Variants in ANK3 observed in about 807,000 individuals in gnomAD.
ANK3 encodes the protein ankyrin 3, also known as ankyrin-3.
In ANK3, 57 loss-of-function variants were observed where a neutral mutation model predicts 370.9. The ratio of observed to expected loss-of-function variants is 0.15; its 90% CI spans 0.12 to 0.19. The LOEUF (loss-of-function observed/expected upper bound fraction) is 0.19, where lower values mean the gene tolerates loss of function less well. ANK3 is among the 10% of genes least tolerant of loss of function. The probability of loss-of-function intolerance (pLI) is 1.00; values close to 1 mark genes in which losing one functional copy is unlikely to be tolerated. For synonymous variants in ANK3, 1,929 were observed against 1,946.3 expected, an observed-to-expected ratio of 0.99 and a Z score of 0.23; for missense variants, 4,439 against 5,302.1, an observed-to-expected ratio of 0.84 and a Z score of 5.06.
chr10:60,681,731 G>A (rs1032270477), intron 1 of ANK3, among the ~76,000 whole-genome samples: 3 of 152,152 alleles, frequency 2.0e-5, no homozygotes, highest in Non-Finnish European at 2.9e-5. Context: ...TCCAGTGCAG[G>A]GCAGACTGGC....
At chr10:60,229,769 G>C (rs1469471244) in intron 8 of ANK3, among the ~76,000 whole-genome samples, 1 of 152,158 alleles carries the variant, frequency 6.6e-6, no homozygotes, top group Non-Finnish European at 1.5e-5. Context: ...GTAATATTAA[G>C]AAGTATATCT....
At chr10:60,198,571 G>A (rs2096622277) in intron 13 of ANK3, 34 bp from the exon 14 acceptor site, 1 of 1,593,008 alleles carries the variant, frequency 6.3e-7, no homozygotes, top group East Asian at 2.2e-5. Context: ...AGGCTGATGA[G>A]CTGAGGAAAC....
chr10:60,384,239 T>C lies in ANK3; in HGVS notation c.114+5186A>G, dbSNP rs554598894. Reference sequence around the variant, plus strand: ...ACTGTTATGTTGTCATTACACAATGTGTCTGAGGATTTGAAATCCTTGTGT... The same window carrying C: ...ACTGTTATGTTGTCATTACACAATGCGTCTGAGGATTTGAAATCCTTGTGT... On this transcript the variant is annotated intron_variant, in intron 1 of 43. Coordinates refer to ENST00000280772, the MANE Select transcript of ANK3 (RefSeq NM_020987.5). Among the ~76,000 whole-genome samples, 71 of 152,320 alleles carry C rather than the reference T, an allele frequency of 4.7e-4. No individual in the cohort carries two copies. The South Asian group carries it at 0.014, about 29-fold the overall frequency.
intron 2 of ANK3, among the ~76,000 whole-genome samples, chr10:60,586,047 A>G (rs1347993659): frequency 7.3e-6 from 1 of 137,502 alleles, no homozygotes; most frequent in Admixed American, 8.0e-5. Context: ...AAAACAAACA[A>G]ACAAAAAAAA....
At chr10:60,149,741 C>T (rs2095010383) in intron 23 of ANK3, among the ~76,000 whole-genome samples, 2 of 152,234 alleles carry the variant, frequency 1.3e-5, no homozygotes, top group Admixed American at 1.3e-4. Context: ...CGAAGTCTCG[C>T]TCTGTCGCCC....
At chr10:60,172,451 A>T (rs1280720947) in intron 20 of ANK3, 48 bp from the exon 21 acceptor site, 1 of 1,509,196 alleles carries the variant, frequency 6.6e-7, no homozygotes, top group Non-Finnish European at 9.2e-7. Flanking sequence ...CTTATTCCAC[A>T]TTTTTTTTGC....
chr10:60,685,900 C>T (rs1437747487), intron 1 of ANK3, among the ~76,000 whole-genome samples: 2 of 152,096 alleles, frequency 1.3e-5, no homozygotes, highest in East Asian at 3.9e-4. Flanking sequence ...AATATATAAA[C>T]ATATAAATAG....
intron 1 of ANK3, among the ~76,000 whole-genome samples, chr10:60,301,750 T>A (rs1315765116): frequency 6.6e-6 from 1 of 152,178 alleles, no homozygotes; most frequent in Non-Finnish European, 1.5e-5. Context: ...TTTTTTCAAC[T>A]AATACAATTC....
intron 2 of ANK3, among the ~76,000 whole-genome samples, chr10:60,395,597 T>A (rs1046371750): frequency 1.5e-4 from 18 of 120,294 alleles, no homozygotes; most frequent in African/African-American, 6.8e-4. Context: ...TCTTTCTTTC[T>A]TTCTTTCTTT....
intron 2 of ANK3, among the ~76,000 whole-genome samples, chr10:60,477,630 A>T (rs985909331): frequency 6.6e-6 from 1 of 151,988 alleles, no homozygotes; most frequent in African/African-American, 2.4e-5. Context: ...ACAGTAACAT[A>T]ATAATAAATG....
chr10:60,321,215 C>G (rs538032624), intron 1 of ANK3, among the ~76,000 whole-genome samples: 16 of 152,134 alleles, frequency 1.1e-4, no homozygotes, highest in Non-Finnish European at 2.2e-4. Context: ...ATGAGACCCT[C>G]TTCTCTACAA....
intron 23 of ANK3, among the ~76,000 whole-genome samples, chr10:60,158,072 C>T (rs2095399745): frequency 1.3e-5 from 2 of 151,980 alleles, no homozygotes; most frequent in African/African-American, 4.8e-5. Context: ...AATAAGACTA[C>T]CTTAAGGTAT....
chr10:60,469,870 C>A (rs2065173346), intron 2 of ANK3, among the ~76,000 whole-genome samples: 3 of 151,498 alleles, frequency 2.0e-5, no homozygotes, highest in African/African-American at 7.3e-5. Context: ...GAAACCCATT[C>A]TCTCACCAAA....
At chr10:60,277,941 G>C (rs1206129758) in intron 4 of ANK3, among the ~76,000 whole-genome samples, 1 of 152,176 alleles carries the variant, frequency 6.6e-6, no homozygotes, top group Non-Finnish European at 1.5e-5. Context: ...GATGATGTTT[G>C]CTTTCCTACA....
At chr10:60,465,875 T>C (rs1306746390) in intron 2 of ANK3, among the ~76,000 whole-genome samples, 7 of 151,690 alleles carry the variant, frequency 4.6e-5, no homozygotes, top group Non-Finnish European at 1.0e-4. Flanking sequence ...TTTGTGAAAT[T>C]AAGCTCTTTT....
At chr10:60,344,011 T>G (rs2054855908) in intron 1 of ANK3, among the ~76,000 whole-genome samples, 1 of 152,224 alleles carries the variant, frequency 6.6e-6, no homozygotes, top group African/African-American at 2.4e-5. Context: ...TCTAGCATGC[T>G]TACTCCTTTT....
At position 60,373,791 on chromosome 10, in the gene ANK3, C is replaced by T. The variant is rs982995236; in HGVS notation, c.114+15634G>A. 2.0e-5 allele frequency among the ~76,000 whole-genome samples: 3 copies of T among 152,104 alleles called. No homozygotes were observed. The East Asian group carries it at 5.8e-4, about 30-fold the overall frequency. On this transcript the variant is annotated intron_variant, in intron 1 of 43. Coordinates refer to ENST00000280772, the MANE Select transcript of ANK3 (RefSeq NM_020987.5). ...ATGCTCTTGGAGTGAGGGATATAGC[C>T]GTCCTTGTTCTAGCACTGAAAGTGG...
intron 1 of ANK3, among the ~76,000 whole-genome samples, chr10:60,374,380 C>T (rs1004195013): frequency 5.3e-5 from 8 of 152,068 alleles, no homozygotes; most frequent in South Asian, 2.1e-4. Flanking sequence ...AAATTCCTTC[C>T]AGCTGGATAA....
At chr10:60,194,411 A>G (rs992097813) in intron 16 of ANK3, among the ~76,000 whole-genome samples, 7 of 152,076 alleles carry the variant, frequency 4.6e-5, no homozygotes, top group Non-Finnish European at 1.0e-4. Context: ...TTAACTCCCC[A>G]TTCCCTTCTC....
Sources: gnomAD v4.1 joint callset for allele counts (sites outside exome capture counted in the v4.1 genomes callset) on GRCh38, gnomAD v4.1.1 for gene constraint, MANE v1.5 for transcripts, NCBI Gene and HGNC (gene_info 2026-07-23, HGNC 2026-07-21) for gene names.